The following MYORG variants were observed in gnomAD, a reference collection of about 807,000 sequenced individuals.
MYORG encodes the protein myogenesis regulating glycosidase, also known as alpha-galactosidase MYORG.
In MYORG, 45 loss-of-function variants were observed where a neutral mutation model predicts 49.8. That is an observed-to-expected ratio of 0.90 (90% CI 0.71 to 1.16). The LOEUF is 1.16. MYORG is among the 50% of genes most tolerant of loss of function. The probability of loss-of-function intolerance (pLI) is 0.00; values close to 1 mark genes in which losing one functional copy is unlikely to be tolerated. For missense variants in MYORG, 1,110 were observed against 1,026.5 expected (o/e 1.08, Z -1.11); for synonymous variants, 552 against 462.9 (o/e 1.19, Z -2.47).
rs577791813 is a variant in MYORG at position 34,376,231 on chromosome 9, T to G, written c.-64+562A>C. Among the ~76,000 whole-genome samples, 74 of 152,294 alleles carry G rather than the reference T, an allele frequency of 4.9e-4. No individual in the cohort carries two copies. Among genetic ancestry groups the G allele is most frequent in the Non-Finnish European group, 9.1e-4 (62 of 68,024 alleles). ...AGCAAAGAGGGCAATTTTAATGGCA[T>G]CTGGTACCGGGGCTTTGGGGGAGGA... On this transcript the variant is annotated intron_variant, in intron 1 of 1. Transcript: ENST00000297625. This position sits in a 1 kb window ranked among gnomAD's most constrained non-coding sequence, Gnocchi z 4.4.
rs1206275661 is a variant in MYORG, at chr9:34,371,006, T to A, written c.1938A>T (p.Thr646=). ...GGAACTGCGAGTCGATACGGTGAGC[T>A]GTCTCGTCGCCGGGCGCAATCCACC... The part of the protein sequence containing the change: ...PLWWIAPGDE[T]AHRIDSQFLI... Residue 646 remains threonine (T), a synonymous_variant, in exon 2 of 2, where the codon ACA becomes ACT. Transcript: ENST00000297625. The A allele has an allele frequency of 1.2e-6, 2 of 1,613,210 alleles. No individual in the cohort carries two copies. Among genetic ancestry groups the A allele is most frequent in the Non-Finnish European group, 1.7e-6 (2 of 1,179,882 alleles).
intron 1 of MYORG, among the ~76,000 whole-genome samples, chr9:34,373,497 G>A (rs918263105): frequency 6.6e-5 from 10 of 152,122 alleles, no homozygotes; most frequent in African/African-American, 2.4e-4. Context: ...CTGTCACCCA[G>A]ACTGGAGTGC....
At position 34,371,454 on chromosome 9, in the gene MYORG, A is replaced by G; in HGVS notation, c.1490T>C (p.Phe497Ser). ...SRRYTEMALP[F>S]FSLAEVRVGY... The stretch of plus-strand genomic sequence containing the variant: ...TACGCGCACCTCCGCCAGCGAGAAG[A>G]AGGGCAGCGCCATCTCAGTGTAGCG... The change falls in exon 2 of 2, where the codon TTC (phenylalanine) becomes TCC (serine). Residue 497 changes from phenylalanine to serine, a missense_variant. Coordinates refer to ENST00000297625, the MANE Select transcript of MYORG (RefSeq NM_020702.5). The G allele has an allele frequency of 6.2e-7, 1 of 1,612,932 alleles. No individual in the cohort carries two copies. The highest frequency in any genetic ancestry group is 8.5e-7 in the Non-Finnish European group (1 of 1,179,794).
chr9:34,371,713 A>T lies in MYORG; in HGVS notation c.1231T>A (p.Phe411Ile). Residue 411 changes from phenylalanine (F) to isoleucine (I), a missense_variant, in exon 2 of 2, where the codon TTC becomes ATC. Phe to Ile is a conservative substitution (Grantham distance 21). Transcript: ENST00000297625. ...AACCGGCCCGTGGGTTCGCGCACGA[A>T]CAGCTCGCGCTCCACGCCCTCGCCG... Reference protein sequence around the residue: ...RFGEGVERELFVREPTGRLPA... With the variant: ...RFGEGVERELIVREPTGRLPA... 1.9e-6 allele frequency: 3 copies of T among 1,611,708 alleles called. No homozygotes were observed. The highest frequency in any genetic ancestry group is 2.5e-6 in the Non-Finnish European group (3 of 1,178,962).
In MYORG at chr9:34,371,600, C is replaced by T. The variant is rs1271550934; in HGVS notation, c.1344G>A (p.Leu448=). The T allele has an allele frequency of 7.5e-6, 12 of 1,605,784 alleles. No homozygotes were observed. Among genetic ancestry groups the T allele is most frequent in the Non-Finnish European group, 9.3e-6 (11 of 1,178,502 alleles). Residue 448 remains leucine (L), a synonymous_variant, in exon 2 of 2, where the codon CTG becomes CTA. Coordinates refer to ENST00000297625, the MANE Select transcript of MYORG (RefSeq NM_020702.5). The part of the protein sequence containing the change: ...PKARDWFQGH[L]RRLRSRYSVA... ...CGGAGTAGCGAGAGCGCAGCCGCCG[C>T]AGGTGTCCCTGGAACCAGTCGCGGG...
chr9:34,373,345 C>A (rs192746317), intron 1 of MYORG, among the ~76,000 whole-genome samples: 1 of 152,288 alleles, frequency 6.6e-6, no homozygotes, highest in East Asian at 1.9e-4. Flanking sequence ...CCCCAGATCA[C>A]ACATGGGGCC....
rs1244041568 is a variant in MYORG at position 34,370,950 on chromosome 9, AC to A, written c.1993del (p.Val665CysfsTer89). On this transcript the variant is annotated frameshift_variant, in exon 2 of 2. Coordinates refer to ENST00000297625, the MANE Select transcript of MYORG (RefSeq NM_020702.5). LOFTEE classifies it high-confidence loss of function. Reference protein sequence around the residue: ...LIGDTLLVAPVLEPGKQERDV... With the variant: ...LIGDTLLVAPXLEPGKQERDV... The stretch of plus-strand genomic sequence containing the variant: ...GCGCTCCTGCTTGCCTGGCTCCAGC[AC>A]CGGGGCCACAAGCAGCGTGTCCCCA... The A allele has an allele frequency of 9.9e-6, 16 of 1,613,428 alleles. No homozygotes were observed. The highest frequency in any genetic ancestry group is 1.3e-5 in the Non-Finnish European group (15 of 1,179,836).
intron 1 of MYORG, among the ~76,000 whole-genome samples, chr9:34,375,682 C>T (rs564443495): frequency 8.7e-4 from 133 of 152,328 alleles, no homozygotes; most frequent in Non-Finnish European, 1.2e-3. Flanking sequence ...TGAAGTCAGC[C>T]TATCTCATGA....
rs1348653117 is a variant in MYORG, at chr9:34,371,047, T to C, written c.1897A>G (p.Ile633Val). The C allele has an allele frequency of 1.9e-6, 3 of 1,612,848 alleles. No individual in the cohort carries two copies. The highest frequency in any genetic ancestry group is 2.5e-6 in the Non-Finnish European group (3 of 1,179,834). ...AGEVTDTGDP[I>V]VRPLWWIAPG... ...GCAATCCACCAAAGGGGGCGCACGA[T>C]AGGGTCACCCGTGTCGGTGACCTCG... Residue 633 changes from isoleucine (I) to valine (V), a missense_variant, in exon 2 of 2, where the codon ATC (isoleucine) becomes GTC (valine). Transcript: ENST00000297625.
chr9:34,371,478 C>G lies in MYORG; in HGVS notation c.1466G>C (p.Arg489Pro). 6.2e-7 allele frequency: 1 copy of G among 1,612,212 alleles called. No individual in the cohort carries two copies. The highest frequency in any genetic ancestry group is 1.3e-5 in the African/African-American group (1 of 75,062). ...PLPDPSVWSRRYTEMALPFFS... is the reference protein window; with the variant it reads ...PLPDPSVWSRPYTEMALPFFS... ...GAAGGGCAGCGCCATCTCAGTGTAG[C>G]GCCGGCTCCAGACGCTGGGGTCCGG... The change falls in exon 2 of 2, where the codon CGC becomes CCC. Residue 489 changes from arginine to proline, a missense_variant. Transcript: ENST00000297625.
In MYORG at chr9:34,369,234, T is replaced by C; in HGVS notation, c.*1565A>G. On this transcript the variant is annotated 3_prime_UTR_variant, in exon 2 of 2. Coordinates refer to ENST00000297625, the MANE Select transcript of MYORG (RefSeq NM_020702.5). ...CATATCAGGTGGGGAAACGGATGCA[T>C]TCTCTAGGGGGTAGGGGACTGGTTT... The C allele has an allele frequency of 6.6e-6, 1 of 152,130 alleles. No homozygotes were observed. Among genetic ancestry groups the C allele is most frequent in the East Asian group, 1.9e-4 (1 of 5,188 alleles). 9.4% of individuals were successfully genotyped at this position (152,130 alleles called of 1,614,324 possible). A position where few individuals can be genotyped will look rare whatever the true frequency, so the allele number is the denominator to read the frequency against.
rs774899301 is a variant in MYORG, at chr9:34,371,527, C to A, written c.1417G>T (p.Asp473Tyr). Residue 473 changes from aspartate (D) to tyrosine (Y), a missense_variant, in exon 2 of 2, where the codon GAC becomes TAC. By Grantham distance (160) the Asp-to-Tyr change is radical. Coordinates refer to ENST00000297625, the MANE Select transcript of MYORG (RefSeq NM_020702.5). ...GGCAGCGGCCGGTAGGTGCTGAAGT[C>A]CCGCGGCAGGTAGCTGACCTCGCCC... ...DAGEVSYLPR[D>Y]FSTYRPLPDP... 1.9e-6 allele frequency: 3 copies of A among 1,607,928 alleles called. No homozygotes were observed. Among genetic ancestry groups the A allele is most frequent in the Middle Eastern group, 1.7e-4 (1 of 6,058 alleles).
In MYORG at chr9:34,370,575, G is replaced by C; in HGVS notation, c.*224C>G. The C allele has an allele frequency of 1.4e-6, 1 of 714,522 alleles. No individual in the cohort carries two copies. The highest frequency in any genetic ancestry group is 2.1e-6 in the Non-Finnish European group (1 of 472,320). The allele number at this position is 714,522 out of a possible 1,614,324, so 44.3% of individuals were successfully genotyped here. On this transcript the variant is annotated 3_prime_UTR_variant, in exon 2 of 2. Coordinates refer to ENST00000297625, the MANE Select transcript of MYORG (RefSeq NM_020702.5). ...TGCAGATTGGTGTGAGTGTGGGGGT[G>C]GAAAGGGCACAGTAAGGATTGTGCG...
In MYORG at chr9:34,376,573, T is replaced by C. The variant is rs1359168502; in HGVS notation, c.-64+220A>G. ...GGATCGAGTGACTGCCTACATAGCCTGGAATACTCCACAGCCGCCCTCCCT... is the reference window on the plus strand; with the variant it reads ...GGATCGAGTGACTGCCTACATAGCCCGGAATACTCCACAGCCGCCCTCCCT... On this transcript the variant is annotated intron_variant, in intron 1 of 1. Coordinates refer to ENST00000297625, the MANE Select transcript of MYORG (RefSeq NM_020702.5). This position sits in a 1 kb window ranked among gnomAD's most constrained non-coding sequence, Gnocchi z 4.4. 6.6e-6 allele frequency among the ~76,000 whole-genome samples: 1 copy of C among 152,168 alleles called. No individual in the cohort carries two copies. Among genetic ancestry groups the C allele is most frequent in the African/African-American group, 2.4e-5 (1 of 41,450 alleles).
In MYORG at chr9:34,372,212, G is replaced by T; in HGVS notation, c.732C>A (p.Pro244=). ...AAAIKVNDSV[P]FHLGWNSTER... is the part of the protein sequence containing the mutation. Reference sequence around the variant, plus strand: ...CCGTGCTGTTCCAGCCCAGGTGGAAGGGCACTGAGTCATTGACTTTGATGG... The same window carrying T: ...CCGTGCTGTTCCAGCCCAGGTGGAATGGCACTGAGTCATTGACTTTGATGG... The change falls in exon 2 of 2, where the codon CCC becomes CCA. Residue 244 remains proline (P), a synonymous_variant. Coordinates refer to ENST00000297625, the MANE Select transcript of MYORG (RefSeq NM_020702.5). The T allele has an allele frequency of 6.2e-7, 1 of 1,611,936 alleles. No individual in the cohort carries two copies. Among genetic ancestry groups the T allele is most frequent in the South Asian group, 1.1e-5 (1 of 90,914 alleles).
chr9:34,371,978 C>G lies in MYORG; in HGVS notation c.966G>C (p.Ala322=). 1 of 1,614,012 alleles carries G rather than the reference C, an allele frequency of 6.2e-7. No individual in the cohort carries two copies. Among genetic ancestry groups the G allele is most frequent in the Non-Finnish European group, 8.5e-7 (1 of 1,179,886 alleles). The change falls in exon 2 of 2, where the codon GCG becomes GCC. Residue 322 remains alanine, a synonymous_variant. Transcript: ENST00000297625. ...AFRDPIWSTW[A]LYGRAVDQDK... is the part of the protein sequence containing the mutation. ...CCTGGTCCACGGCGCGCCCGTACAG[C>G]GCCCATGTGGACCAAATGGGGTCTC... is the stretch of plus-strand genomic sequence containing the variant.
rs1044439586 is a variant in MYORG, at chr9:34,369,509, A to C, written c.*1290T>G. The C allele has an allele frequency of 6.6e-6, 1 of 152,116 alleles. No homozygotes were observed. The highest frequency in any genetic ancestry group is 1.5e-5 in the Non-Finnish European group (1 of 68,058). The allele number at this position is 152,116 out of a possible 1,614,324, so 9.4% of individuals were successfully genotyped here. On this transcript the variant is annotated 3_prime_UTR_variant, in exon 2 of 2. Coordinates refer to ENST00000297625, the MANE Select transcript of MYORG (RefSeq NM_020702.5). ...TAGCCTGGCCAACATGGTAAACCCC[A>C]TCTCTACTAAAAAATACAAAAAGCC...
rs1820547400 is a variant in MYORG, at chr9:34,369,306, C to T, written c.*1493G>A. ...AAGCTAAAGTTCACCCTGTTTCCCA[C>T]CGACCCGCTCTGGCATGCCACTTTT... On this transcript the variant is annotated 3_prime_UTR_variant, in exon 2 of 2. Coordinates refer to ENST00000297625, the MANE Select transcript of MYORG (RefSeq NM_020702.5). 6.6e-6 allele frequency: 1 copy of T among 152,190 alleles called. No individual in the cohort carries two copies. Among genetic ancestry groups the T allele is most frequent in the African/African-American group, 2.4e-5 (1 of 41,440 alleles). The allele number at this position is 152,190 out of a possible 1,614,324, so 9.4% of individuals were successfully genotyped here.
rs1820722833 is a variant in MYORG at position 34,376,560 on chromosome 9, T to C, written c.-64+233A>G. ...ACGGTATCCGCGGGGATCGAGTGAC[T>C]GCCTACATAGCCTGGAATACTCCAC... On this transcript the variant is annotated intron_variant, in intron 1 of 1. Transcript: ENST00000297625. This position sits in a 1 kb window ranked among gnomAD's most constrained non-coding sequence, Gnocchi z 4.4. Among the ~76,000 whole-genome samples the C allele has an allele frequency of 6.6e-6, 1 of 152,304 alleles. No homozygotes were observed. Among genetic ancestry groups the C allele is most frequent in the Admixed American group, 6.5e-5 (1 of 15,304 alleles).
Sources: allele counts gnomAD v4.1 joint callset (sites outside exome capture counted in the v4.1 genomes callset), GRCh38; gene constraint gnomAD v4.1.1; non-coding constraint Gnocchi (gnomAD v3.1); transcripts MANE v1.5; gene names NCBI Gene and HGNC (gene_info 2026-07-23, HGNC 2026-07-21).